The following SPIDR variants were observed in gnomAD, a reference collection of about 807,000 sequenced individuals.
SPIDR encodes DNA repair-scaffolding protein.
In SPIDR, 93 loss-of-function variants were observed where a neutral mutation model predicts 104.6. That is an observed-to-expected ratio of 0.89 (90% CI 0.75 to 1.06). The LOEUF is 1.06. Ranked by LOEUF, SPIDR falls within the 50% of genes least tolerant of loss-of-function variation. SPIDR has a pLI of 0.00. For missense variants in SPIDR, 1,154 were observed against 1,111.2 expected (o/e 1.04, Z -0.55); for synonymous variants, 431 against 416.9 (o/e 1.03, Z -0.41).
intron 8 of SPIDR, among the ~76,000 whole-genome samples, chr8:47,498,713 C>G (rs1661249389): frequency 6.6e-6 from 1 of 152,126 alleles, no homozygotes; most frequent in South Asian, 2.1e-4. Flanking sequence ...TTTGCCACAC[C>G]AACTTAGACC....
intron 10 of SPIDR, among the ~76,000 whole-genome samples, chr8:47,664,673 C>G (rs1422548615): frequency 7.4e-6 from 1 of 135,802 alleles, no homozygotes; most frequent in African/African-American, 2.7e-5. Flanking sequence ...TTTGGGAGGC[C>G]AAGGCTAGTG....
chr8:47,445,241 C>A (rs1344592024), intron 8 of SPIDR, among the ~76,000 whole-genome samples: 1 of 152,322 alleles, frequency 6.6e-6, no homozygotes, highest in South Asian at 2.1e-4. Flanking sequence ...TCACCTGTCT[C>A]TATATCACAT....
chr8:47,715,964 C>CTTTTTTTTTTTTTT (rs965625857), intron 16 of SPIDR, among the ~76,000 whole-genome samples: 1 of 127,096 alleles, frequency 7.9e-6, no homozygotes, highest in Admixed American at 7.9e-5. Context: ...TCTCTTTTTT[C>CTTTTTTTTTTTTTT]TTTTTTTTTT....
chr8:47,533,949 A>C (rs895303749), intron 8 of SPIDR, among the ~76,000 whole-genome samples: 1 of 152,160 alleles, frequency 6.6e-6, no homozygotes, highest in African/African-American at 2.4e-5. Context: ...CCCCACCCAA[A>C]TCTCACCTTG....
At chr8:47,730,028 G>A (rs1234390058) in intron 19 of SPIDR, among the ~76,000 whole-genome samples, 1 of 152,060 alleles carries the variant, frequency 6.6e-6, no homozygotes, top group African/African-American at 2.4e-5. Flanking sequence ...CTGCCCCCTG[G>A]CTTTGATTAC....
At chr8:47,653,756 C>T (rs546752049) in intron 10 of SPIDR, among the ~76,000 whole-genome samples, 6 of 151,532 alleles carry the variant, frequency 4.0e-5, no homozygotes, top group South Asian at 2.1e-4. Context: ...CATGTACATA[C>T]GGAATAAGAA....
chr8:47,330,539 G>A (rs991210692), intron 5 of SPIDR, among the ~76,000 whole-genome samples: 1 of 152,020 alleles, frequency 6.6e-6, no homozygotes, highest in Non-Finnish European at 1.5e-5. Flanking sequence ...CTAATCTCTC[G>A]AAACCACTGA....
rs148249208 is a variant in SPIDR, at chr8:47,662,596, C to T, written c.1545-11205C>T. On this transcript the variant is annotated intron_variant, in intron 10 of 19. Transcript: ENST00000297423. ...CACAAAACCCTTTCCCTCACCAGTG[C>T]CATTATTCCCTTCCTTCCAAGAGAA... Among the ~76,000 whole-genome samples, 95 of 152,238 alleles carry T rather than the reference C, an allele frequency of 6.2e-4. No homozygotes were observed. In the East Asian group the frequency reaches 0.012, roughly 19 times the overall value.
At chr8:47,597,030 T>C (rs1345220590) in intron 9 of SPIDR, among the ~76,000 whole-genome samples, 1 of 152,212 alleles carries the variant, frequency 6.6e-6, no homozygotes, top group East Asian at 1.9e-4. Context: ...TTCTTCTGGA[T>C]ACCTTCTGAA....
chr8:47,722,259 G>T lies in SPIDR; in HGVS notation c.2342-4941G>T, dbSNP rs72646387. ...TTGCTGTAATCACTTAGTAGTTCCAGTGGTCTTTTGTTGTTTCTTTGAGAT... is the reference window on the plus strand; with the variant it reads ...TTGCTGTAATCACTTAGTAGTTCCATTGGTCTTTTGTTGTTTCTTTGAGAT... On this transcript the variant is annotated intron_variant, in intron 16 of 19. Coordinates refer to ENST00000297423, the MANE Select transcript of SPIDR (RefSeq NM_001080394.4). Among the ~76,000 whole-genome samples the T allele has an allele frequency of 3.7e-4, 57 of 152,274 alleles. No homozygotes were observed. In the South Asian group the frequency reaches 0.012, roughly 32 times the overall value.
chr8:47,378,393 C>T (rs1265350987), intron 5 of SPIDR, among the ~76,000 whole-genome samples: 2 of 152,182 alleles, frequency 1.3e-5, no homozygotes, highest in African/African-American at 4.8e-5. Context: ...TGTTGAATGT[C>T]ATGGTTATGG....
intron 5 of SPIDR, among the ~76,000 whole-genome samples, chr8:47,307,720 G>T (rs2043348427): frequency 6.6e-6 from 1 of 151,126 alleles, no homozygotes; most frequent in African/African-American, 2.4e-5. Flanking sequence ...TGTATTTTTA[G>T]TAGAGATGGG....
intron 7 of SPIDR, among the ~76,000 whole-genome samples, chr8:47,412,564 C>A (rs2063689483): frequency 1.3e-5 from 2 of 152,206 alleles, no homozygotes; most frequent in South Asian, 4.1e-4. Flanking sequence ...TTGAAATCAT[C>A]CTAATCACTC....
chr8:47,684,936 A>T (rs1448425407), intron 11 of SPIDR, among the ~76,000 whole-genome samples: 1 of 152,200 alleles, frequency 6.6e-6, no homozygotes, highest in Non-Finnish European at 1.5e-5. Context: ...AAAGAAACCA[A>T]ATGGGCCGGG....
chr8:47,271,048 G>A (rs1211476069), intron 1 of SPIDR, among the ~76,000 whole-genome samples: 4 of 152,126 alleles, frequency 2.6e-5, no homozygotes, highest in Non-Finnish European at 4.4e-5. Flanking sequence ...GTAGGGGGGT[G>A]TCTTCATGGT....
intron 5 of SPIDR, among the ~76,000 whole-genome samples, chr8:47,356,001 T>TC (rs1373699748): frequency 1.3e-5 from 2 of 152,046 alleles, no homozygotes. Context: ...TTTACCTCTC[T>TC]CCCCAAATAG....
At chr8:47,661,982 G>A (rs2074190610) in intron 10 of SPIDR, among the ~76,000 whole-genome samples, 1 of 152,270 alleles carries the variant, frequency 6.6e-6, no homozygotes, top group East Asian at 1.9e-4. Flanking sequence ...CGAGTCACTT[G>A]AGCAGCCTCT....
intron 10 of SPIDR, among the ~76,000 whole-genome samples, chr8:47,670,773 T>C (rs1016675072): frequency 6.6e-6 from 1 of 152,230 alleles, no homozygotes; most frequent in Non-Finnish European, 1.5e-5. Context: ...GCTCTACACC[T>C]TTAATATTAT....
chr8:47,700,585 C>T (rs1006658748), intron 12 of SPIDR, 95 bp downstream of exon 12: 1 of 1,253,134 alleles, frequency 8.0e-7, no homozygotes, highest in Non-Finnish European at 1.2e-6. Flanking sequence ...TGGTCTGTGT[C>T]CCCTGCTCCA....
Sources: gnomAD v4.1 joint callset for allele counts (sites outside exome capture counted in the v4.1 genomes callset) on GRCh38, gnomAD v4.1.1 for gene constraint, MANE v1.5 for transcripts, NCBI Gene and HGNC (gene_info 2026-07-23, HGNC 2026-07-21) for gene names.